ITSN1: variants seen among roughly 807,000 people sequenced by gnomAD.
ITSN1 encodes intersectin-1.
Under a neutral mutation model 239.8 loss-of-function variants are expected in ITSN1, and 58 were observed. That is an observed-to-expected ratio of 0.24 (90% CI 0.20 to 0.30). The LOEUF is 0.30. ITSN1 is among the 10% of genes least tolerant of loss of function. ITSN1 has a pLI of 1.00. For missense variants in ITSN1, 1,558 were observed against 2,103.3 expected (o/e 0.74, Z 5.07); for synonymous variants, 780 against 770.8 (o/e 1.01, Z -0.20).
Position 33,711,067 on chromosome 21 carries a change from G to A in ITSN1, c.-32-7730G>A, listed in dbSNP as rs183067065. ...TGGGATTACAGGCATGAGCCACCGC[G>A]CCTGGCCGGGGAAGGTTTTTAATGA... On this transcript the variant is annotated intron_variant, in intron 1 of 39. Transcript: ENST00000381318. Among the ~76,000 whole-genome samples, 23 of 152,194 alleles carry A rather than the reference G, an allele frequency of 1.5e-4. No homozygotes were observed. The East Asian group carries it at 3.1e-3, about 20-fold the overall frequency.
intron 5 of ITSN1, 140 bp from the exon 6 acceptor site, chr21:33,750,003 A>C: frequency 1.3e-6 from 1 of 788,104 alleles, no homozygotes; most frequent in East Asian, 2.7e-5. Flanking sequence ...ACTCTTTAAA[A>C]TGATTAACTT....
chr21:33,802,093 T>G (rs1234295272), intron 19 of ITSN1, among the ~76,000 whole-genome samples: 1 of 152,244 alleles, frequency 6.6e-6, no homozygotes. Context: ...TTTTTAATGT[T>G]AAACAAACCA....
chr21:33,735,397 A>G (rs2066434921), intron 5 of ITSN1, 193 bp downstream of exon 5: 1 of 674,398 alleles, frequency 1.5e-6, no homozygotes, highest in Admixed American at 2.3e-5. Context: ...CCTGGGATGT[A>G]AAGTAATCAA....
intron 16 of ITSN1, among the ~76,000 whole-genome samples, chr21:33,789,222 A>G (rs1341920380): frequency 6.6e-6 from 1 of 152,190 alleles, no homozygotes; most frequent in African/African-American, 2.4e-5. Flanking sequence ...TATTATCCCT[A>G]GGTGAGAAAT....
At chr21:33,827,716 A>G (rs907981800) in intron 26 of ITSN1, among the ~76,000 whole-genome samples, 5 of 152,254 alleles carry the variant, frequency 3.3e-5, no homozygotes, top group African/African-American at 7.2e-5. Flanking sequence ...CACATGTGCT[A>G]TAAATAGCAC....
At chr21:33,666,474 A>T (rs201705084) in intron 1 of ITSN1, among the ~76,000 whole-genome samples, 2 of 149,530 alleles carry the variant, frequency 1.3e-5, no homozygotes, top group Admixed American at 1.3e-4. Flanking sequence ...AAAAAAATAA[A>T]TATTTCGACA....
chr21:33,734,102 A>G (rs1366741126), intron 4 of ITSN1, among the ~76,000 whole-genome samples: 1 of 152,180 alleles, frequency 6.6e-6, no homozygotes, highest in African/African-American at 2.4e-5. Context: ...TACATTTTTC[A>G]TAATATTGGT....
At chr21:33,649,675 C>T (rs2088325390) in intron 1 of ITSN1, among the ~76,000 whole-genome samples, 1 of 152,040 alleles carries the variant, frequency 6.6e-6, no homozygotes, top group Admixed American at 6.6e-5. Flanking sequence ...AGGAGTTGAG[C>T]TGAGGGCTGT....
intron 29 of ITSN1, chr21:33,838,317 CCTT>C: frequency 1.0e-6 from 1 of 985,380 alleles, no homozygotes; most frequent in African/African-American, 1.7e-5. Context: ...GTGTAGAGGT[CCTT>C]CTCCTTTCAC....
intron 34 of ITSN1, among the ~76,000 whole-genome samples, chr21:33,876,137 CTTTCTTTCTT>C (rs1983774217): frequency 4.0e-4 from 7 of 17,440 alleles, no homozygotes; most frequent in Admixed American, 2.0e-3. Flanking sequence ...TTCTTTCTTT[CTTTCTTTCTT>C]TCTTTCTCTC....
intron 1 of ITSN1, among the ~76,000 whole-genome samples, chr21:33,704,944 AAAATAC>A (rs2092184076): frequency 6.8e-6 from 1 of 147,672 alleles, no homozygotes. Context: ...AAAAAAAAAA[AAAATAC>A]AAACAAAAAC....
chr21:33,765,069 T>C (rs1391577014), intron 9 of ITSN1, among the ~76,000 whole-genome samples: 1 of 152,242 alleles, frequency 6.6e-6, no homozygotes, highest in Non-Finnish European at 1.5e-5. Context: ...CAAATAGCCA[T>C]GCCCATTCAT....
intron 3 of ITSN1, 40 bp from the exon 4 acceptor site, chr21:33,722,544 GTTTT>G: frequency 2.1e-5 from 27 of 1,284,030 alleles, no homozygotes; most frequent in Admixed American, 6.2e-5. Context: ...GTCAGCTGTT[GTTTT>G]TTTTTTTTTT....
chr21:33,664,803 A>T (rs1453345555), intron 1 of ITSN1, among the ~76,000 whole-genome samples: 4 of 152,192 alleles, frequency 2.6e-5, no homozygotes, highest in Non-Finnish European at 4.4e-5. Context: ...ATACGAATGA[A>T]GTTATTATAT....
Position 33,723,262 on chromosome 21 carries a change from G to A in ITSN1, c.185+611G>A, listed in dbSNP as rs575564600. ...AGATGTCTCATTTTTTTCACCAAGGGTGCTTAATACTTCACTTCCCTGAGT... is the reference window on the plus strand; with the variant it reads ...AGATGTCTCATTTTTTTCACCAAGGATGCTTAATACTTCACTTCCCTGAGT... On this transcript the variant is annotated intron_variant, in intron 4 of 39. Transcript: ENST00000381318. Among the ~76,000 whole-genome samples the A allele has an allele frequency of 2.0e-5, 3 of 152,206 alleles. No homozygotes were observed. In the South Asian group the frequency reaches 6.2e-4, roughly 32 times the overall value.
At chr21:33,741,150 G>A (rs1469753105) in intron 5 of ITSN1, among the ~76,000 whole-genome samples, 1 of 152,166 alleles carries the variant, frequency 6.6e-6, no homozygotes, top group African/African-American at 2.4e-5. Context: ...TTAACTGGTT[G>A]CGCAGTATGC....
At chr21:33,836,884 A>C in intron 29 of ITSN1, 1 of 879,476 alleles carries the variant, frequency 1.1e-6, no homozygotes, top group East Asian at 2.6e-5. Flanking sequence ...TTTTTTTTAA[A>C]TCATTTTGGC....
At chr21:33,725,199 G>A (rs1479067785) in intron 4 of ITSN1, among the ~76,000 whole-genome samples, 2 of 130,220 alleles carry the variant, frequency 1.5e-5, no homozygotes, top group East Asian at 2.3e-4. Flanking sequence ...GCAATGGCAC[G>A]ATCTTAGCTC....
At chr21:33,800,588 T>C (rs1214628902) in intron 19 of ITSN1, among the ~76,000 whole-genome samples, 1 of 152,154 alleles carries the variant, frequency 6.6e-6, no homozygotes, top group Non-Finnish European at 1.5e-5. Context: ...GAAAATAGTT[T>C]AGAATTTTGC....
Sources: allele counts gnomAD v4.1 joint callset (sites outside exome capture counted in the v4.1 genomes callset), GRCh38; gene constraint gnomAD v4.1.1; transcripts MANE v1.5; gene names NCBI Gene and HGNC (gene_info 2026-07-23, HGNC 2026-07-21).